The following MTMR7 variants were observed in gnomAD, a reference collection of about 807,000 sequenced individuals.
MTMR7 encodes the protein phosphatidylinositol-3-phosphate phosphatase MTMR7.
Under a neutral mutation model 81.2 loss-of-function variants are expected in MTMR7, and 76 were observed. The ratio of observed to expected loss-of-function variants is 0.94; its 90% CI spans 0.78 to 1.13. The LOEUF (loss-of-function observed/expected upper bound fraction) is 1.13. MTMR7 is among the 50% of genes most tolerant of loss of function. The probability of loss-of-function intolerance (pLI) is 0.00; values close to 1 mark genes in which losing one functional copy is unlikely to be tolerated. For missense variants in MTMR7, 1,044 were observed against 820.0 expected, an observed-to-expected ratio of 1.27 and a Z score of -3.34; for synonymous variants, 372 against 289.8, an observed-to-expected ratio of 1.28 and a Z score of -2.88.
rs1820541274 is a variant in MTMR7 at position 17,375,122 on chromosome 8, G to C, written c.25-1882C>G. ...AATAAATAATAGGAGGTGTGGTCCTGATCTAGTTTGGGAGTCTCAGACTTC... is the reference window on the plus strand; with the variant it reads ...AATAAATAATAGGAGGTGTGGTCCTCATCTAGTTTGGGAGTCTCAGACTTC... On this transcript the variant is annotated intron_variant, in intron 1 of 13. Transcript: ENST00000180173. Among the ~76,000 whole-genome samples the C allele has an allele frequency of 3.3e-5, 5 of 152,244 alleles. No homozygotes were observed. In the South Asian group the frequency reaches 1.0e-3, roughly 32 times the overall value.
At chr8:17,307,468 G>A (rs1817528342) in intron 10 of MTMR7, among the ~76,000 whole-genome samples, 1 of 152,166 alleles carries the variant, frequency 6.6e-6, no homozygotes, top group South Asian at 2.1e-4. Flanking sequence ...CATTGTGGAA[G>A]TCAGTGTGGC....
intron 3 of MTMR7, among the ~76,000 whole-genome samples, chr8:17,367,815 A>C (rs1401809449): frequency 6.6e-6 from 1 of 150,956 alleles, no homozygotes; most frequent in East Asian, 1.9e-4. Flanking sequence ...ACAGCTGGAA[A>C]CTTTTCTCTT....
At chr8:17,306,295 C>G (rs1361351245) in intron 10 of MTMR7, among the ~76,000 whole-genome samples, 1 of 151,906 alleles carries the variant, frequency 6.6e-6, no homozygotes, top group Admixed American at 6.6e-5. Flanking sequence ...AAATGTTGCA[C>G]TTTATGAGCG....
intron 1 of MTMR7, among the ~76,000 whole-genome samples, chr8:17,408,717 G>C (rs1027005180): frequency 6.6e-6 from 1 of 152,154 alleles, no homozygotes. Context: ...AAGAGTAAGA[G>C]ATGAGCAAAA....
intron 8 of MTMR7, among the ~76,000 whole-genome samples, chr8:17,312,888 G>C (rs1817871577): frequency 6.6e-6 from 1 of 152,126 alleles, no homozygotes; most frequent in Admixed American, 6.5e-5. Context: ...TCCTATGGCG[G>C]AATGGACTCT....
chr8:17,380,410 T>C (rs937590335), intron 1 of MTMR7, among the ~76,000 whole-genome samples: 16 of 152,152 alleles, frequency 1.1e-4, no homozygotes, highest in African/African-American at 3.4e-4. Flanking sequence ...TCTGTTGAAC[T>C]TGAGACTTGA....
At chr8:17,304,324 G>A (rs990537757) in intron 12 of MTMR7, 55 bp downstream of exon 12, 32 of 1,577,174 alleles carry the variant, frequency 2.0e-5, no homozygotes, top group Admixed American at 1.3e-4. Flanking sequence ...AATGTTAAAC[G>A]GTACCAGAAT....
At chr8:17,400,451 A>G (rs2150583295) in intron 1 of MTMR7, among the ~76,000 whole-genome samples, 1 of 152,306 alleles carries the variant, frequency 6.6e-6, no homozygotes, top group African/African-American at 2.4e-5. Flanking sequence ...TTTGATGTTG[A>G]GAACAGGAAA....
chr8:17,326,026 T>C (rs1818661595), intron 7 of MTMR7, among the ~76,000 whole-genome samples: 1 of 152,212 alleles, frequency 6.6e-6, no homozygotes, highest in South Asian at 2.1e-4. Flanking sequence ...GGGGAAGATA[T>C]GTTGCTTACA....
chr8:17,357,320 G>A (rs1189686250), intron 4 of MTMR7, among the ~76,000 whole-genome samples: 1 of 152,154 alleles, frequency 6.6e-6, no homozygotes, highest in Non-Finnish European at 1.5e-5. Flanking sequence ...ACAGTACCTG[G>A]CATGTAGTAA....
At chr8:17,346,881 T>TAAA (rs1404712123) in intron 5 of MTMR7, among the ~76,000 whole-genome samples, 9 of 81,172 alleles carry the variant, frequency 1.1e-4, no homozygotes, top group African/African-American at 2.3e-4. Context: ...TATCCTATCT[T>TAAA]AATAAAAAAA....
intron 5 of MTMR7, among the ~76,000 whole-genome samples, chr8:17,345,142 G>A (rs117393229): frequency 3.3e-5 from 5 of 152,286 alleles, no homozygotes; most frequent in South Asian, 2.1e-4. Flanking sequence ...ACCCATGTGC[G>A]TAAGGCCTAA....
At chr8:17,393,566 G>A (rs991301659) in intron 1 of MTMR7, among the ~76,000 whole-genome samples, 1 of 152,192 alleles carries the variant, frequency 6.6e-6, no homozygotes, top group African/African-American at 2.4e-5. Context: ...ACAGGAGCTA[G>A]AAGCTGTCAT....
intron 3 of MTMR7, among the ~76,000 whole-genome samples, chr8:17,366,493 C>T (rs1820227556): frequency 6.6e-6 from 1 of 152,114 alleles, no homozygotes; most frequent in Admixed American, 6.6e-5. Flanking sequence ...TACCAACAGT[C>T]ATCAGGACAC....
At chr8:17,338,561 C>T (rs536763585) in intron 6 of MTMR7, among the ~76,000 whole-genome samples, 27 of 152,256 alleles carry the variant, frequency 1.8e-4, no homozygotes, top group African/African-American at 6.5e-4. Context: ...TTCAAAACAG[C>T]CCCACCTTGC....
At chr8:17,318,909 C>G (rs1212098858) in intron 7 of MTMR7, among the ~76,000 whole-genome samples, 2 of 152,192 alleles carry the variant, frequency 1.3e-5, no homozygotes, top group Admixed American at 1.3e-4. Flanking sequence ...CCTACACCCT[C>G]ACATCTCCAA....
rs1820046789 is a variant in MTMR7 at position 17,361,121 on chromosome 8, TA to T, written c.463del (p.Tyr155ThrfsTer22). Reference protein sequence around the residue: ...YWQLSDVNRDYRVCDSYPTEL... With the variant: ...YWQLSDVNRDXRVCDSYPTEL... ...GTTTGGGTTTCACGCACTCACTCTG[TA>T]GTCTCTATTCACATCGCTGAGCTGC... On this transcript the variant is annotated frameshift_variant, in exon 4 of 14. Transcript: ENST00000180173. LOFTEE classifies it high-confidence loss of function. The T allele has an allele frequency of 6.2e-7, 1 of 1,614,146 alleles. No homozygotes were observed.
At chr8:17,382,566 T>C (rs1820791741) in intron 1 of MTMR7, among the ~76,000 whole-genome samples, 1 of 152,346 alleles carries the variant, frequency 6.6e-6, no homozygotes, top group African/African-American at 2.4e-5. Flanking sequence ...AGCACATCCA[T>C]CCGTCCATCC....
At chr8:17,306,833 A>G (rs1817486351) in intron 10 of MTMR7, among the ~76,000 whole-genome samples, 1 of 152,334 alleles carries the variant, frequency 6.6e-6, no homozygotes, top group African/African-American at 2.4e-5. Context: ...TAGGCTAGCC[A>G]TATGTAGAAA....
Sources: gnomAD v4.1 joint callset for allele counts (sites outside exome capture counted in the v4.1 genomes callset) on GRCh38, gnomAD v4.1.1 for gene constraint, MANE v1.5 for transcripts, NCBI Gene and HGNC (gene_info 2026-07-23, HGNC 2026-07-21) for gene names.